The following INPP4B variants were observed in gnomAD, a reference collection of about 807,000 sequenced individuals.
INPP4B encodes the protein inositol polyphosphate 4-phosphatase type II.
INPP4B carries 55 observed loss-of-function variants against 122.5 expected under a neutral mutation model. The observed-to-expected ratio is 0.45, with a 90% confidence interval of 0.36 to 0.56. The LOEUF is 0.56. Among genes scored for constraint, INPP4B ranks in the 20% least tolerant of loss-of-function variants. The probability of loss-of-function intolerance (pLI) is 0.00; values close to 1 mark genes in which losing one functional copy is unlikely to be tolerated. For missense variants in INPP4B, 1,000 were observed against 1,097.7 expected (o/e 0.91, Z 1.26); for synonymous variants, 403 against 388.7 (o/e 1.04, Z -0.43).
At chr4:142,135,774 T>C (rs527756611) in intron 18 of INPP4B, among the ~76,000 whole-genome samples, 2 of 125,734 alleles carry the variant, frequency 1.6e-5, no homozygotes, top group African/African-American at 5.1e-5. Context: ...AGGGTGTTTT[T>C]TGTTTGTTTG....
chr4:142,500,564 C>T (rs1823233054), intron 2 of INPP4B, among the ~76,000 whole-genome samples: 1 of 152,186 alleles, frequency 6.6e-6, no homozygotes, highest in Non-Finnish European at 1.5e-5. Context: ...AGCTGAATAA[C>T]ATTCCATTGC....
At chr4:142,589,024 A>T (rs1116689) in intron 2 of INPP4B, among the ~76,000 whole-genome samples, 121,762 of 151,942 alleles carry the variant, frequency 0.8, 49,250 homozygotes, top group Non-Finnish European at 0.85. Context: ...AACAAATAGA[A>T]AACCCAGAAC....
At chr4:142,277,905 G>A (rs1384464489) in intron 9 of INPP4B, among the ~76,000 whole-genome samples, 2 of 151,956 alleles carry the variant, frequency 1.3e-5, no homozygotes, top group Admixed American at 6.6e-5. Context: ...TAGCAACTTG[G>A]GGGAAAGGGT....
intron 7 of INPP4B, among the ~76,000 whole-genome samples, chr4:142,387,479 TA>T (rs199580064): frequency 7.6e-3 from 937 of 123,454 alleles, no homozygotes; most frequent in African/African-American, 0.011. Flanking sequence ...GAAGTGCATT[TA>T]AAAAAAAAAA....
At chr4:142,716,018 T>G (rs1304018333) in intron 2 of INPP4B, among the ~76,000 whole-genome samples, 1 of 152,196 alleles carries the variant, frequency 6.6e-6, no homozygotes, top group Non-Finnish European at 1.5e-5. Flanking sequence ...TAAGGACAAG[T>G]GTCCCAAAAA....
At chr4:142,383,661 G>GA (rs556031063) in intron 7 of INPP4B, among the ~76,000 whole-genome samples, 106 of 151,378 alleles carry the variant, frequency 7.0e-4, no homozygotes, top group African/African-American at 2.4e-3. Context: ...ACTGATAAGA[G>GA]AAAAAAAAGT....
intron 2 of INPP4B, among the ~76,000 whole-genome samples, chr4:142,526,058 A>T (rs1826870047): frequency 2.0e-5 from 3 of 152,090 alleles, no homozygotes; most frequent in Non-Finnish European, 4.4e-5. Context: ...GTGCATTTAC[A>T]GTGCTTTATC....
chr4:142,537,411 T>TATATATATATATATATAC (rs1828340848), intron 2 of INPP4B, among the ~76,000 whole-genome samples: 1 of 40,964 alleles, frequency 2.4e-5, no homozygotes, highest in African/African-American at 8.0e-5. Flanking sequence ...TATATATATA[T>TATATATATATATATATAC]ATATATATAT....
intron 25 of INPP4B, among the ~76,000 whole-genome samples, chr4:142,077,230 C>T (rs1578821879): frequency 6.6e-6 from 1 of 151,934 alleles, no homozygotes; most frequent in East Asian, 1.9e-4. Flanking sequence ...TAGGTATATG[C>T]TGAAACTTAC....
chr4:142,806,615 G>A (rs1336300121), intron 1 of INPP4B, among the ~76,000 whole-genome samples: 1 of 151,616 alleles, frequency 6.6e-6, no homozygotes, highest in Non-Finnish European at 1.5e-5. Flanking sequence ...ATGGTGGCAT[G>A]TGCCTGTAGT....
intron 2 of INPP4B, among the ~76,000 whole-genome samples, chr4:142,490,853 A>G (rs1821784494): frequency 6.6e-6 from 1 of 152,178 alleles, no homozygotes; most frequent in Non-Finnish European, 1.5e-5. Context: ...CACTTAGCAT[A>G]TTATCCTCCA....
intron 11 of INPP4B, among the ~76,000 whole-genome samples, chr4:142,243,853 G>C (rs1412530765): frequency 6.9e-6 from 1 of 145,546 alleles, no homozygotes; most frequent in Admixed American, 7.1e-5. Context: ...GTGTGGTATT[G>C]TGAAAGTCAA....
intron 2 of INPP4B, among the ~76,000 whole-genome samples, chr4:142,706,930 T>G (rs1431731755): frequency 6.6e-6 from 1 of 152,234 alleles, no homozygotes; most frequent in Non-Finnish European, 1.5e-5. Context: ...ACTTGGCTTA[T>G]TAAAATAACA....
chr4:142,178,866 C>G (rs895745452), intron 15 of INPP4B, among the ~76,000 whole-genome samples: 2 of 148,582 alleles, frequency 1.3e-5, no homozygotes, highest in Non-Finnish European at 3.0e-5. Flanking sequence ...TCTCTTGAAT[C>G]CAGAGGAAGG....
intron 1 of INPP4B, among the ~76,000 whole-genome samples, chr4:142,738,330 A>G (rs1471328367): frequency 6.6e-6 from 1 of 152,134 alleles, no homozygotes; most frequent in Non-Finnish European, 1.5e-5. Flanking sequence ...GAAGCTGGAA[A>G]CCATCATTCT....
In INPP4B at chr4:142,557,014, G is replaced by C. The variant is rs138558396; in HGVS notation, c.-190-94288C>G. Among the ~76,000 whole-genome samples, 774 of 152,222 alleles carry C rather than the reference G, an allele frequency of 5.1e-3. 7 individuals carry two copies. The highest frequency in any genetic ancestry group is 0.018 in the African/African-American group (755 of 41,536). The stretch of plus-strand genomic sequence containing the variant: ...AAGCTGCCCTGTCGTGACCACCGGA[G>C]GACCAGTAGCCAACCTCCAATATTA... On this transcript the variant is annotated intron_variant, in intron 2 of 25. Transcript: ENST00000262992.
At chr4:142,574,906 G>A (rs1181067621) in intron 2 of INPP4B, among the ~76,000 whole-genome samples, 2 of 152,028 alleles carry the variant, frequency 1.3e-5, no homozygotes, top group Non-Finnish European at 2.9e-5. Context: ...AGGCTTCAGA[G>A]CATGTTTGTT....
At chr4:142,090,561 G>A (rs1328947820) in intron 23 of INPP4B, among the ~76,000 whole-genome samples, 4 of 152,068 alleles carry the variant, frequency 2.6e-5, no homozygotes, top group Admixed American at 6.6e-5. Context: ...TACACAGAAC[G>A]TGAATTGGTT....
At chr4:142,622,177 C>CA (rs1323485606) in intron 2 of INPP4B, among the ~76,000 whole-genome samples, 1 of 151,790 alleles carries the variant, frequency 6.6e-6, no homozygotes, top group Admixed American at 6.6e-5. Flanking sequence ...ACTGGACTCC[C>CA]AAAAAGCTCA....
Sources: allele counts gnomAD v4.1 joint callset (sites outside exome capture counted in the v4.1 genomes callset), GRCh38; gene constraint gnomAD v4.1.1; transcripts MANE v1.5; gene names NCBI Gene and HGNC (gene_info 2026-07-23, HGNC 2026-07-21).